Variants in ITGA11 observed in about 807,000 individuals in gnomAD.
ITGA11 encodes integrin subunit alpha 11, also known as integrin alpha-11.
A neutral mutation model predicts 141.9 loss-of-function variants in ITGA11; 97 were observed. The observed-to-expected ratio is 0.68, with a 90% CI of 0.58 to 0.81. ITGA11 has a LOEUF of 0.81. Ranked by LOEUF, ITGA11 falls within the 30% of genes least tolerant of loss-of-function variation. The pLI is 0.00. For missense variants in ITGA11, 1,387 were observed against 1,559.2 expected, an observed-to-expected ratio of 0.89 and a Z score of 1.86; for synonymous variants, 658 against 624.6, an observed-to-expected ratio of 1.05 and a Z score of -0.80.
intron 1 of ITGA11, among the ~76,000 whole-genome samples, chr15:68,404,604 G>A (rs987868008): frequency 6.6e-5 from 10 of 152,146 alleles, no homozygotes; most frequent in Admixed American, 3.3e-4. Context: ...CTTGGCAGAT[G>A]CACTTGGTGC....
At position 68,321,421 on chromosome 15, in the gene ITGA11, GC is replaced by G; in HGVS notation, c.2404del (p.Ala802ProfsTer9). 1 of 1,577,250 alleles carries G rather than the reference GC, an allele frequency of 6.3e-7. No individual in the cohort carries two copies. The highest frequency in any genetic ancestry group is 1.2e-5 in the South Asian group (1 of 86,654). On this transcript the variant is annotated frameshift_variant, in exon 19 of 30. Transcript: ENST00000315757. LOFTEE classifies it high-confidence loss of function. The surrounding 1 kb of genome is among the most constrained non-coding windows in gnomAD (Gnocchi z 4.9). The part of the protein sequence containing the change: ...VLDARSDLPT[A>X]MEYCQRVLRK... ...GGGGTGGAAGGAGCCAACTCACATG[GC>G]CGTGGGCAGGTCACTCCGGGCATCC...
At chr15:68,364,551 T>C (rs1457939760) in intron 4 of ITGA11, among the ~76,000 whole-genome samples, 156 bp downstream of exon 4, 1 of 152,202 alleles carries the variant, frequency 6.6e-6, no homozygotes, top group Non-Finnish European at 1.5e-5. Context: ...GCGGGGGAGC[T>C]GCTTCCTGGA....
At chr15:68,419,599 T>C (rs1219331586) in intron 1 of ITGA11, among the ~76,000 whole-genome samples, 1 of 152,232 alleles carries the variant, frequency 6.6e-6, no homozygotes, top group Non-Finnish European at 1.5e-5. Context: ...CTGTTACATC[T>C]GGGTTTACAA....
chr15:68,318,301 T>G (rs572581370), intron 20 of ITGA11, among the ~76,000 whole-genome samples: 1 of 152,198 alleles, frequency 6.6e-6, no homozygotes, highest in African/African-American at 2.4e-5. Flanking sequence ...CCACAGAAAC[T>G]ATCTCCATGA....
chr15:68,342,990 C>A (rs1378478384), intron 10 of ITGA11, among the ~76,000 whole-genome samples: 1 of 141,842 alleles, frequency 7.1e-6, no homozygotes, highest in Non-Finnish European at 1.5e-5. Flanking sequence ...TGACCCTGGG[C>A]AAGTTCTTCT....
chr15:68,318,463 G>A (rs118109559), intron 20 of ITGA11, among the ~76,000 whole-genome samples: 1 of 152,154 alleles, frequency 6.6e-6, no homozygotes, highest in Non-Finnish European at 1.5e-5. Flanking sequence ...AGGGGACTTC[G>A]AGAGACCATC....
At chr15:68,306,845 A>G (rs968505417) in intron 28 of ITGA11, among the ~76,000 whole-genome samples, 2 of 152,258 alleles carry the variant, frequency 1.3e-5, no homozygotes, top group African/African-American at 4.8e-5. Flanking sequence ...AGTGGAGGGC[A>G]GCAGCGTCCC....
intron 3 of ITGA11, among the ~76,000 whole-genome samples, chr15:68,366,348 A>G (rs893405992): frequency 6.6e-6 from 1 of 152,104 alleles, no homozygotes; most frequent in Non-Finnish European, 1.5e-5. Flanking sequence ...CCACAAGGTT[A>G]CCTGCTGGGA....
At chr15:68,386,386 C>T (rs931456769) in intron 2 of ITGA11, among the ~76,000 whole-genome samples, 2 of 152,142 alleles carry the variant, frequency 1.3e-5, no homozygotes, top group Non-Finnish European at 1.5e-5. Flanking sequence ...CACCCAATTC[C>T]ACAGCCCTTT....
At chr15:68,404,975 C>T (rs549338721) in intron 1 of ITGA11, among the ~76,000 whole-genome samples, 1 of 152,154 alleles carries the variant, frequency 6.6e-6, no homozygotes, top group South Asian at 2.1e-4. Flanking sequence ...GTTAGCTGAC[C>T]TTCCCAAGGA....
chr15:68,350,819 C>A, intron 8 of ITGA11, 37 bp from the exon 9 acceptor site: 1 of 1,589,662 alleles, frequency 6.3e-7, no homozygotes, highest in East Asian at 2.2e-5. Flanking sequence ...CAAACCAGAA[C>A]ATAGCACAGA....
At chr15:68,358,317 G>T in intron 6 of ITGA11, 141 bp downstream of exon 6, 1 of 829,474 alleles carries the variant, frequency 1.2e-6, no homozygotes, top group East Asian at 2.8e-5. Flanking sequence ...CAGTGCCCCA[G>T]TGCTGGCTGG....
chr15:68,360,302 GTTATTT>G (rs961584075), intron 5 of ITGA11, among the ~76,000 whole-genome samples: 28 of 152,256 alleles, frequency 1.8e-4, no homozygotes, highest in South Asian at 4.1e-4. Context: ...CTTTTAACAG[GTTATTT>G]TTATTTTTAT....
chr15:68,333,872 G>A lies in ITGA11; in HGVS notation c.1426-1394C>T, dbSNP rs1894260085. ...GTGCTCCCGGGTCCTGCCAAACTGAGTTATTTCTCTTCTCCAAAGGCCCCA... is the reference window on the plus strand; with the variant it reads ...GTGCTCCCGGGTCCTGCCAAACTGAATTATTTCTCTTCTCCAAAGGCCCCA... On this transcript the variant is annotated intron_variant, in intron 12 of 29. Coordinates refer to ENST00000315757, the MANE Select transcript of ITGA11 (RefSeq NM_001004439.2). The surrounding 1 kb of genome is among the most constrained non-coding windows in gnomAD (Gnocchi z 4.2). 6.6e-6 allele frequency among the ~76,000 whole-genome samples: 1 copy of A among 152,182 alleles called. No individual in the cohort carries two copies. The highest frequency in any genetic ancestry group is 6.5e-5 in the Admixed American group (1 of 15,292).
At chr15:68,350,586 A>C (rs1894874865) in intron 9 of ITGA11, 31 bp downstream of exon 9, 1 of 1,599,298 alleles carries the variant, frequency 6.3e-7, no homozygotes, top group Non-Finnish European at 8.5e-7. Flanking sequence ...CCCAGGAGAG[A>C]GTGGATCCCC....
In ITGA11 at chr15:68,311,008, G is replaced by A. The variant is rs752004974; in HGVS notation, c.3160C>T (p.Arg1054Cys). 11 of 1,603,468 alleles carry A rather than the reference G, an allele frequency of 6.9e-6. No homozygotes were observed. Among genetic ancestry groups the A allele is most frequent in the African/African-American group, 2.7e-5 (2 of 74,684 alleles). The change falls in exon 26 of 30, where the codon CGT becomes TGT. Residue 1054 changes from arginine (R) to cysteine (C), a missense_variant. By Grantham distance (180) the Arg-to-Cys change is radical. Transcript: ENST00000315757. ...GGGACACTCACCAGCTGTGGAGCAC[G>A]ACGCAAGTCTTCCTCCACTGGGGTG... ...RPTPVEEDLRRAPQLNHSNSD... is the reference protein window; with the variant it reads ...RPTPVEEDLRCAPQLNHSNSD...
Position 68,326,763 on chromosome 15 carries a change from C to A in ITGA11, c.2102G>T (p.Arg701Leu). 6.3e-7 allele frequency: 1 copy of A among 1,580,926 alleles called. No individual in the cohort carries two copies. Among genetic ancestry groups the A allele is most frequent in the East Asian group, 2.3e-5 (1 of 42,966 alleles). The change falls in exon 17 of 30, where the codon CGG becomes CTG. Residue 701 changes from arginine (R) to leucine (L), a missense_variant. Arg to Leu is a moderately radical substitution (Grantham distance 102). Transcript: ENST00000315757. The surrounding 1 kb of genome is among the most constrained non-coding windows in gnomAD (Gnocchi z 6.8). Reference sequence around the variant, plus strand: ...GTCCAGGTGGGCCCTCGGTGTATACCGCCTCTCATCCATGGTGGCGTTGTA... The same window carrying A: ...GTCCAGGTGGGCCCTCGGTGTATACAGCCTCTCATCCATGGTGGCGTTGTA... ...IRYNATMDER[R>L]YTPRAHLDEG... is the part of the protein sequence containing the mutation.
intron 15 of ITGA11, among the ~76,000 whole-genome samples, chr15:68,329,956 A>ACAAGTCTG (rs1457516639): frequency 6.6e-6 from 1 of 152,254 alleles, no homozygotes; most frequent in African/African-American, 2.4e-5. Flanking sequence ...TGAGGGAGCC[A>ACAAGTCTG]CAAGTCTGCT....
rs1893016278 is a variant in ITGA11 at position 68,301,216 on chromosome 15, G to A, written c.*1843C>T. 1 of 152,192 alleles carries A rather than the reference G, an allele frequency of 6.6e-6. No individual in the cohort carries two copies. The highest frequency in any genetic ancestry group is 6.5e-5 in the Admixed American group (1 of 15,276). The allele number at this position is 152,192 out of a possible 1,614,324, so 9.4% of individuals were successfully genotyped here. A position where few individuals can be genotyped will look rare whatever the true frequency, so the allele number is the denominator to read the frequency against. On this transcript the variant is annotated 3_prime_UTR_variant, in exon 30 of 30. Coordinates refer to ENST00000315757, the MANE Select transcript of ITGA11 (RefSeq NM_001004439.2). The surrounding 1 kb of genome is among the most constrained non-coding windows in gnomAD (Gnocchi z 4.4). ...TTTTGGTTTTGCTGTGGGAGCCTAG[G>A]GCTCTTCCTGGTTCTGAGTGTCCTC... is the stretch of plus-strand genomic sequence containing the variant.
Sources: gnomAD v4.1 joint callset for allele counts (sites outside exome capture counted in the v4.1 genomes callset) on GRCh38, gnomAD v4.1.1 for gene constraint, Gnocchi (gnomAD v3.1) non-coding constraint, MANE v1.5 for transcripts, NCBI Gene and HGNC (gene_info 2026-07-23, HGNC 2026-07-21) for gene names.